Variants in DENND1B observed in about 807,000 individuals in gnomAD.
DENND1B encodes the protein DENN domain containing 1B.
In DENND1B, 59 loss-of-function variants were observed where a neutral mutation model predicts 90.1. The observed-to-expected ratio is 0.65, with a 90% CI of 0.53 to 0.81. DENND1B has a LOEUF of 0.81. Among genes scored for constraint, DENND1B ranks in the 40% least tolerant of loss-of-function variants. DENND1B has a pLI of 0.00. For missense variants in DENND1B, 862 were observed against 912.6 expected (o/e 0.94, Z 0.71); for synonymous variants, 337 against 324.6 (o/e 1.04, Z -0.41).
At chr1:197,606,204 C>T (rs1379127656) in intron 13 of DENND1B, 1 of 150,948 alleles carries the variant, frequency 6.6e-6, no homozygotes, top group Non-Finnish European at 1.5e-5. Context: ...AAATAATGCA[C>T]TTTTGGAGAC....
chr1:197,517,700 T>TA (rs1391220647), intron 20 of DENND1B, among the ~76,000 whole-genome samples: 2 of 151,918 alleles, frequency 1.3e-5, no homozygotes. Flanking sequence ...AATGGCCCCT[T>TA]ACAGTCTTCA....
chr1:197,655,331 T>G (rs1386011681), intron 6 of DENND1B, among the ~76,000 whole-genome samples: 1 of 152,156 alleles, frequency 6.6e-6, no homozygotes, highest in Non-Finnish European at 1.5e-5. Flanking sequence ...TCAATATCTA[T>G]TTGCTATGGG....
At chr1:197,566,103 C>A (rs1474796552) in intron 15 of DENND1B, among the ~76,000 whole-genome samples, 11 of 152,032 alleles carry the variant, frequency 7.2e-5, no homozygotes, top group Non-Finnish European at 1.5e-4. Flanking sequence ...TACAGTCCCA[C>A]CAACAGTGTA....
Position 197,669,775 on chromosome 1 carries a change from T to C in DENND1B, c.296+2262A>G, listed in dbSNP as rs921645218. On this transcript the variant is annotated intron_variant, in intron 5 of 22. Transcript: ENST00000620048. ...TACTTCTTATCTACCAAAAGCACTG[T>C]CAAATGACAAAAATAAATATAAAAG... 3.3e-5 allele frequency among the ~76,000 whole-genome samples: 5 copies of C among 152,156 alleles called. No individual in the cohort carries two copies. In the South Asian group the frequency reaches 6.2e-4, roughly 19 times the overall value.
chr1:197,546,757 A>G lies in DENND1B; in HGVS notation c.1257T>C (p.Tyr419=). The G allele has an allele frequency of 1.3e-6, 2 of 1,546,884 alleles. No homozygotes were observed. Among genetic ancestry groups the G allele is most frequent in the South Asian group, 1.2e-5 (1 of 82,358 alleles). The change falls in exon 17 of 23, where the codon TAT becomes TAC. Residue 419 remains tyrosine (Y), a synonymous_variant. Coordinates refer to ENST00000620048, the MANE Select transcript of DENND1B (RefSeq NM_001195215.2). ...GGFCGGNPRS[Y]QQWVHTVKKG... ...CCTTGACTGTATGCACCCATTGTTG[A>G]TATGACCTCGGGTTCCCTGGAATAT...
At chr1:197,578,819 C>A (rs1340098124) in intron 15 of DENND1B, among the ~76,000 whole-genome samples, 2 of 151,976 alleles carry the variant, frequency 1.3e-5, no homozygotes, top group Admixed American at 1.3e-4. Context: ...GCACATGTAC[C>A]CTAAAACTTA....
At chr1:197,670,486 T>C (rs1419394431) in intron 5 of DENND1B, among the ~76,000 whole-genome samples, 3 of 144,972 alleles carry the variant, frequency 2.1e-5, no homozygotes, top group Admixed American at 6.9e-5. Flanking sequence ...TGTGTGTGTA[T>C]TGAGAGAGAA....
chr1:197,516,236 C>G (rs546917461), intron 20 of DENND1B, among the ~76,000 whole-genome samples: 2 of 151,874 alleles, frequency 1.3e-5, no homozygotes, highest in East Asian at 3.9e-4. Flanking sequence ...ACTTATTATA[C>G]ATGTACTTAT....
At chr1:197,606,345 A>G (rs1676681874) in intron 13 of DENND1B, 1 of 151,128 alleles carries the variant, frequency 6.6e-6, no homozygotes, top group African/African-American at 2.4e-5. Flanking sequence ...CAGACAAAAG[A>G]CAGTTTTCGT....
intron 20 of DENND1B, among the ~76,000 whole-genome samples, chr1:197,526,577 A>C (rs1479074647): frequency 1.3e-5 from 2 of 152,162 alleles, no homozygotes; most frequent in African/African-American, 4.8e-5. Context: ...TTTTGTTTCA[A>C]GACATTGTAA....
At chr1:197,581,521 A>G (rs535371957) in intron 15 of DENND1B, among the ~76,000 whole-genome samples, 1 of 152,328 alleles carries the variant, frequency 6.6e-6, no homozygotes, top group East Asian at 1.9e-4. Flanking sequence ...GAGAGTGTAC[A>G]TGTGTTAATT....
intron 5 of DENND1B, 112 bp from the exon 6 acceptor site, chr1:197,658,481 AAG>A: frequency 1.5e-6 from 1 of 681,230 alleles, no homozygotes; most frequent in Admixed American, 2.8e-5. Flanking sequence ...GAGGTCAAAA[AAG>A]AACTATACCC....
intron 2 of DENND1B, chr1:197,736,052 A>C: frequency 1.2e-6 from 1 of 869,274 alleles, no homozygotes; most frequent in Non-Finnish European, 1.9e-6. Context: ...GCAGCACCTA[A>C]GTAAATGATT....
In DENND1B at chr1:197,676,218, G is replaced by A. The variant is rs1572283562; in HGVS notation, c.127-2049C>T. Among the ~76,000 whole-genome samples, 3 of 152,146 alleles carry A rather than the reference G, an allele frequency of 2.0e-5. No homozygotes were observed. The East Asian group carries it at 5.8e-4, about 29-fold the overall frequency. On this transcript the variant is annotated intron_variant, in intron 3 of 22. Transcript: ENST00000620048. ...AGTCCTACCTAGCTCCCAGGGCTTGGTTTTCTTCCTTAATTACAGGTGCTA... is the reference window on the plus strand; with the variant it reads ...AGTCCTACCTAGCTCCCAGGGCTTGATTTTCTTCCTTAATTACAGGTGCTA...
At chr1:197,753,741 C>T (rs1653879318) in intron 2 of DENND1B, among the ~76,000 whole-genome samples, 2 of 152,196 alleles carry the variant, frequency 1.3e-5, no homozygotes, top group Admixed American at 1.3e-4. Flanking sequence ...TGGCTCACGC[C>T]TATAATCCCA....
intron 3 of DENND1B, among the ~76,000 whole-genome samples, chr1:197,683,270 A>C (rs986870970): frequency 6.6e-6 from 1 of 152,208 alleles, no homozygotes; most frequent in Non-Finnish European, 1.5e-5. Context: ...AGTTTGAACA[A>C]TAAATCATAT....
At chr1:197,753,915 G>T (rs761922373) in intron 2 of DENND1B, among the ~76,000 whole-genome samples, 25 of 150,924 alleles carry the variant, frequency 1.7e-4, no homozygotes, top group African/African-American at 5.7e-4. Context: ...CAGAAGAATC[G>T]CTTAAACCCG....
chr1:197,752,468 CA>C (rs1307099569), intron 2 of DENND1B, among the ~76,000 whole-genome samples: 1 of 151,916 alleles, frequency 6.6e-6, no homozygotes, highest in Non-Finnish European at 1.5e-5. Context: ...ACGTTTAAAA[CA>C]ACAGTATCAG....
At chr1:197,547,814 A>AT (rs527866403) in intron 16 of DENND1B, among the ~76,000 whole-genome samples, 24 of 87,804 alleles carry the variant, frequency 2.7e-4, no homozygotes, top group South Asian at 5.0e-4. Flanking sequence ...TCTCAAGGAG[A>AT]TTTTTTAAAC....
Sources: allele counts gnomAD v4.1 joint callset (sites outside exome capture counted in the v4.1 genomes callset), GRCh38; gene constraint gnomAD v4.1.1; transcripts MANE v1.5; gene names NCBI Gene and HGNC (gene_info 2026-07-23, HGNC 2026-07-21).